PDE4D: variants seen among roughly 807,000 people sequenced by gnomAD.
The protein encoded by PDE4D is 3',5'-cyclic-AMP phosphodiesterase 4D.
A neutral mutation model predicts 87.4 loss-of-function variants in PDE4D; 24 were observed. That is an observed-to-expected ratio of 0.27 (90% CI 0.20 to 0.39). The LOEUF is 0.39. Among genes scored for constraint, PDE4D ranks in the 10% least tolerant of loss-of-function variants. PDE4D has a pLI of 1.00. For synonymous variants in PDE4D, 384 were observed against 383.2 expected, an observed-to-expected ratio of 1.00 and a Z score of -0.02; for missense variants, 714 against 1,041.0, an observed-to-expected ratio of 0.69 and a Z score of 4.32.
At chr5:59,619,093 G>C (rs1407726945) in intron 1 of PDE4D, among the ~76,000 whole-genome samples, 1 of 152,152 alleles carries the variant, frequency 6.6e-6, no homozygotes, top group Non-Finnish European at 1.5e-5. Context: ...TACTAGAGGT[G>C]AAACTGATAT....
chr5:59,274,085 G>T (rs1265390946), intron 1 of PDE4D, among the ~76,000 whole-genome samples: 1 of 152,002 alleles, frequency 6.6e-6, no homozygotes, highest in Admixed American at 6.6e-5. Flanking sequence ...ATTAGCTATG[G>T]TAATTCATAC....
At chr5:59,817,411 G>A (rs1052538695) in intron 1 of PDE4D, among the ~76,000 whole-genome samples, 5 of 152,116 alleles carry the variant, frequency 3.3e-5, no homozygotes, top group East Asian at 3.9e-4. Context: ...TACTAATACC[G>A]GGAGGAGTGG....
chr5:59,165,560 G>A (rs1035527813), intron 5 of PDE4D, among the ~76,000 whole-genome samples: 4 of 152,238 alleles, frequency 2.6e-5, no homozygotes, highest in African/African-American at 9.6e-5. Flanking sequence ...ACAGGCGTGA[G>A]CAACCATGCC....
intron 2 of PDE4D, chr5:60,147,824 A>G (rs1048848272): frequency 1.3e-5 from 6 of 454,970 alleles, no homozygotes; most frequent in African/African-American, 1.0e-4. Context: ...GCCTTCTTCC[A>G]TAGGCTGCTT....
At chr5:59,622,423 C>T (rs182642756) in intron 1 of PDE4D, among the ~76,000 whole-genome samples, 2 of 152,184 alleles carry the variant, frequency 1.3e-5, no homozygotes, top group Non-Finnish European at 2.9e-5. Context: ...TCTGATGTAG[C>T]TGACTTTTTG....
Position 58,974,446 on chromosome 5 carries a change from G to A in PDE4D, c.*218C>T. 2 of 365,642 alleles carry A rather than the reference G, an allele frequency of 5.5e-6. No homozygotes were observed. Among genetic ancestry groups the A allele is most frequent in the Non-Finnish European group, 9.8e-6 (2 of 204,256 alleles). 22.6% of individuals were successfully genotyped at this position (365,642 alleles called of 1,614,324 possible). A position where few individuals can be genotyped will look rare whatever the true frequency, so the allele number is the denominator to read the frequency against. Reference sequence around the variant, plus strand: ...ACCAAGCTGAAATCTTGTTAAAAACGCTGTTCGTGAAGATGTCCACCTTGC... The same window carrying A: ...ACCAAGCTGAAATCTTGTTAAAAACACTGTTCGTGAAGATGTCCACCTTGC... On this transcript the variant is annotated 3_prime_UTR_variant, in exon 15 of 15. Coordinates refer to ENST00000340635, the MANE Select transcript of PDE4D (RefSeq NM_001104631.2).
chr5:59,203,828 C>G (rs1453453267), intron 2 of PDE4D, among the ~76,000 whole-genome samples: 4 of 152,038 alleles, frequency 2.6e-5, no homozygotes, highest in African/African-American at 9.7e-5. Context: ...AACAGTTGTT[C>G]CCAGGGACTG....
chr5:60,081,789 T>C (rs1773982052), intron 2 of PDE4D, among the ~76,000 whole-genome samples: 1 of 152,188 alleles, frequency 6.6e-6, no homozygotes, highest in Non-Finnish European at 1.5e-5. Context: ...TTCTGGCTTG[T>C]GGAGTTTCTG....
At chr5:60,435,300 T>C (rs1292589034) in intron 1 of PDE4D, among the ~76,000 whole-genome samples, 7 of 152,118 alleles carry the variant, frequency 4.6e-5, no homozygotes. Context: ...CTAGAGCATA[T>C]ATTTAAATTG....
chr5:60,384,510 C>T (rs114306352), intron 1 of PDE4D, among the ~76,000 whole-genome samples: 11 of 152,354 alleles, frequency 7.2e-5, no homozygotes, highest in African/African-American at 2.2e-4. Flanking sequence ...TGCCAAGCCT[C>T]TCTGCAGTCT....
In PDE4D at chr5:58,989,854, G is replaced by C. The variant is rs372217599; in HGVS notation, c.1353C>G (p.Leu451=). The C allele has an allele frequency of 2.5e-5, 39 of 1,578,174 alleles. No individual in the cohort carries two copies. The African/African-American group carries it at 3.1e-4, about 13-fold the overall frequency. Residue 451 remains leucine (L), a synonymous_variant, in exon 10 of 15, where the codon CTC becomes CTG. Coordinates refer to ENST00000340635, the MANE Select transcript of PDE4D (RefSeq NM_001104631.2). ...VDTLITYLMT[L]EDHYHADVAY... ...CCACATCAGCATGGTAATGGTCTTC[G>C]AGAGTCATAAGATATGTAATTAAAG... is the stretch of plus-strand genomic sequence containing the variant.
At chr5:60,457,964 T>C (rs1319806706) in intron 1 of PDE4D, among the ~76,000 whole-genome samples, 2 of 152,228 alleles carry the variant, frequency 1.3e-5, no homozygotes, top group African/African-American at 4.8e-5. Flanking sequence ...GCACCTAATA[T>C]GTATCAGACT....
At chr5:59,771,499 G>GAGAGAGAAGAAAGA (rs1554081503) in intron 1 of PDE4D, among the ~76,000 whole-genome samples, 7 of 19,724 alleles carry the variant, frequency 3.5e-4, no homozygotes, top group Non-Finnish European at 7.2e-4. Context: ...GAGAGAGAGA[G>GAGAGAGAAGAAAGA]AAGAAAGAAA....
intron 1 of PDE4D, among the ~76,000 whole-genome samples, chr5:59,241,341 G>A (rs1447528193): frequency 6.6e-6 from 1 of 152,054 alleles, no homozygotes; most frequent in Non-Finnish European, 1.5e-5. Flanking sequence ...GCCTCCTACT[G>A]CACCCGCCTG....
chr5:59,553,918 A>C (rs189894924), intron 1 of PDE4D, among the ~76,000 whole-genome samples: 16 of 152,284 alleles, frequency 1.1e-4, no homozygotes, highest in Admixed American at 1.0e-3. Flanking sequence ...CAGGAGTATA[A>C]AAAATAGAGC....
chr5:59,002,214 A>G, intron 6 of PDE4D: 1 of 352,816 alleles, frequency 2.8e-6, no homozygotes, highest in East Asian at 7.6e-5. Flanking sequence ...TCTGGTACTG[A>G]GAACAAGAAT....
intron 1 of PDE4D, among the ~76,000 whole-genome samples, chr5:59,339,392 T>C (rs992655034): frequency 6.6e-6 from 1 of 152,206 alleles, no homozygotes; most frequent in Admixed American, 6.5e-5. Context: ...TAGCATTCTG[T>C]CTAAGGTTAG....
intron 1 of PDE4D, among the ~76,000 whole-genome samples, chr5:59,713,299 A>T (rs1402253571): frequency 6.6e-6 from 1 of 152,186 alleles, no homozygotes; most frequent in African/African-American, 2.4e-5. Flanking sequence ...GTCCAGCATG[A>T]CTCAGCAAGT....
chr5:59,312,592 T>C (rs967033179), intron 1 of PDE4D, among the ~76,000 whole-genome samples: 4 of 152,168 alleles, frequency 2.6e-5, no homozygotes, highest in South Asian at 2.1e-4. Flanking sequence ...AGGAAACTTA[T>C]TAAGCACACC....
Sources: gnomAD v4.1 joint callset for allele counts (sites outside exome capture counted in the v4.1 genomes callset) on GRCh38, gnomAD v4.1.1 for gene constraint, MANE v1.5 for transcripts, NCBI Gene and HGNC (gene_info 2026-07-23, HGNC 2026-07-21) for gene names.